Variants in PDZRN3 observed in about 807,000 individuals in gnomAD.
The protein encoded by PDZRN3 is PDZ domain containing ring finger 3, also known as E3 ubiquitin-protein ligase PDZRN3.
In PDZRN3, 38 loss-of-function variants were observed where a neutral mutation model predicts 85.7. The observed-to-expected ratio is 0.44, with a 90% confidence interval of 0.34 to 0.58. PDZRN3 has a LOEUF of 0.58. Among genes scored for constraint, PDZRN3 ranks in the 20% least tolerant of loss-of-function variants. PDZRN3 has a pLI of 0.01. For missense variants in PDZRN3, 1,629 were observed against 1,506.4 expected (o/e 1.08, Z -1.35); for synonymous variants, 759 against 638.0 (o/e 1.19, Z -2.86).
chr3:73,404,547 C>T, intron 3 of PDZRN3, 152 bp from the exon 4 acceptor site: 2 of 699,398 alleles, frequency 2.9e-6, no homozygotes, highest in Non-Finnish European at 4.7e-6. Flanking sequence ...TTTAGGTTTC[C>T]CGAAGAATGC....
At chr3:73,481,619 C>G (rs1484999032) in intron 3 of PDZRN3, among the ~76,000 whole-genome samples, 1 of 151,046 alleles carries the variant, frequency 6.6e-6, no homozygotes, top group Admixed American at 6.6e-5. Flanking sequence ...CGTAAGCCAC[C>G]ACACCTGGCC....
At chr3:73,435,028 C>A (rs7653141) in intron 3 of PDZRN3, among the ~76,000 whole-genome samples, 3 of 152,078 alleles carry the variant, frequency 2.0e-5, no homozygotes, top group Non-Finnish European at 2.9e-5. Flanking sequence ...CACCATTTTA[C>A]AAAGGTTTCA....
At chr3:73,569,146 C>A in intron 3 of PDZRN3, 1 of 1,287,178 alleles carries the variant, frequency 7.8e-7, no homozygotes, top group Non-Finnish European at 1.0e-6. Flanking sequence ...ATCACATTGC[C>A]TCACCTGGTT....
intron 3 of PDZRN3, among the ~76,000 whole-genome samples, chr3:73,563,872 G>A (rs1391743148): frequency 6.6e-6 from 1 of 152,240 alleles, no homozygotes; most frequent in Non-Finnish European, 1.5e-5. Context: ...ATAGCGAGAA[G>A]ATGCAGAGGT....
chr3:73,569,505 G>A, intron 3 of PDZRN3: 1 of 1,062,706 alleles, frequency 9.4e-7, no homozygotes, highest in Non-Finnish European at 1.1e-6. Flanking sequence ...CCTCTTCTCT[G>A]CAATGAGATC....
chr3:73,510,901 G>A (rs944457051), intron 3 of PDZRN3, among the ~76,000 whole-genome samples: 9 of 152,138 alleles, frequency 5.9e-5, no homozygotes, highest in African/African-American at 2.2e-4. Flanking sequence ...AATACCTTAT[G>A]ATAGGTACTA....
At chr3:73,479,240 A>G (rs1174100101) in intron 3 of PDZRN3, among the ~76,000 whole-genome samples, 1 of 152,194 alleles carries the variant, frequency 6.6e-6, no homozygotes, top group Non-Finnish European at 1.5e-5. Flanking sequence ...CTGAGCATCC[A>G]TGCTCTTTCA....
intron 3 of PDZRN3, among the ~76,000 whole-genome samples, chr3:73,416,962 G>T (rs959249270): frequency 7.4e-6 from 1 of 135,428 alleles, no homozygotes; most frequent in Non-Finnish European, 1.5e-5. Context: ...TACAATCTTG[G>T]CTCACTACAA....
At position 73,388,294 on chromosome 3, in the gene PDZRN3, C is replaced by T. The variant is rs76443916; in HGVS notation, c.1417-225G>A. ...TAAGGGAGCCTCCATGAGTATAGTTCATGAGGTGACTGTGATGTGTGGGGT... is the reference window on the plus strand; with the variant it reads ...TAAGGGAGCCTCCATGAGTATAGTTTATGAGGTGACTGTGATGTGTGGGGT... On this transcript the variant is annotated intron_variant, in intron 7 of 9. Transcript: ENST00000263666. 9.4e-3 allele frequency: 3,784 copies of T among 403,038 alleles called. 32 individuals carry two copies. Among genetic ancestry groups the T allele is most frequent in the Middle Eastern group, 0.015 (24 of 1,590 alleles). 25.0% of individuals were successfully genotyped at this position (403,038 alleles called of 1,614,324 possible).
Position 73,383,121 on chromosome 3 carries a change from G to A in PDZRN3, c.*244C>T. ...TATGTAAAAGGGTACAGGTAGAAAA[G>A]TACAATTGCTATTTGAAAAAAGCTC... On this transcript the variant is annotated 3_prime_UTR_variant, in exon 10 of 10. Transcript: ENST00000263666. 1 of 446,294 alleles carries A rather than the reference G, an allele frequency of 2.2e-6. No individual in the cohort carries two copies. Among genetic ancestry groups the A allele is most frequent in the Non-Finnish European group, 3.9e-6 (1 of 255,652 alleles). The allele number at this position is 446,294 out of a possible 1,614,324, so 27.6% of individuals were successfully genotyped here. A position where few individuals can be genotyped will look rare whatever the true frequency, so the allele number is the denominator to read the frequency against.
intron 3 of PDZRN3, among the ~76,000 whole-genome samples, chr3:73,422,395 C>T (rs1446159829): frequency 6.6e-6 from 1 of 152,138 alleles, no homozygotes; most frequent in African/African-American, 2.4e-5. Context: ...TTTTAAGGGG[C>T]TGTGTGAGAA....
At chr3:73,489,575 CTTTTT>C (rs371602592) in intron 3 of PDZRN3, among the ~76,000 whole-genome samples, 2 of 80,110 alleles carry the variant, frequency 2.5e-5, no homozygotes, top group East Asian at 4.0e-4. Flanking sequence ...AGTTTCTTTT[CTTTTT>C]TTTTTTTTTT....
intron 3 of PDZRN3, among the ~76,000 whole-genome samples, chr3:73,417,771 C>T (rs1702121874): frequency 6.6e-6 from 1 of 152,166 alleles, no homozygotes; most frequent in Admixed American, 6.5e-5. Flanking sequence ...TTTGCTGAGA[C>T]CCTTCCATGC....
At position 73,589,049 on chromosome 3, in the gene PDZRN3, A is replaced by AT. The variant is rs11341187; in HGVS notation, c.918+13304dup. Among the ~76,000 whole-genome samples the AT allele has an allele frequency of 1.9e-3, 261 of 140,660 alleles. 3 individuals are homozygous for AT. The highest frequency in any genetic ancestry group is 4.3e-3 in the African/African-American group (163 of 37,924). 92.3% of individuals were successfully genotyped at this position (140,660 alleles called of 152,430 possible). On this transcript the variant is annotated intron_variant, in intron 3 of 9. Coordinates refer to ENST00000263666, the MANE Select transcript of PDZRN3 (RefSeq NM_015009.3). ...AATGGCCATCCTCCCAGAAGATATG[A>AT]TTTTTTTTTTTTTTTTGAGACAGAG...
At chr3:73,602,261 G>C (rs191001337) in intron 3 of PDZRN3, 93 bp downstream of exon 3, 1 of 722,242 alleles carries the variant, frequency 1.4e-6, no homozygotes, top group Middle Eastern at 2.4e-4. Context: ...TACCACTTTA[G>C]GCCTCCCTCC....
chr3:73,453,962 A>G (rs1702926705), intron 3 of PDZRN3, among the ~76,000 whole-genome samples: 1 of 152,202 alleles, frequency 6.6e-6, no homozygotes, highest in Non-Finnish European at 1.5e-5. Context: ...CATGTTTTAA[A>G]TCAACAACCA....
At chr3:73,413,431 C>T (rs370732595) in intron 3 of PDZRN3, among the ~76,000 whole-genome samples, 6 of 152,132 alleles carry the variant, frequency 3.9e-5, no homozygotes, top group East Asian at 1.9e-4. Flanking sequence ...TGTTCTGTGT[C>T]GGGCAGTGCA....
intron 3 of PDZRN3, among the ~76,000 whole-genome samples, chr3:73,445,749 T>G (rs977685088): frequency 2.0e-5 from 3 of 152,214 alleles, no homozygotes; most frequent in African/African-American, 7.2e-5. Flanking sequence ...TCCTTAAAAC[T>G]GATATATATG....
chr3:73,398,839 TG>T (rs1219395693), intron 5 of PDZRN3, among the ~76,000 whole-genome samples: 1 of 152,222 alleles, frequency 6.6e-6, no homozygotes, highest in African/African-American at 2.4e-5. Context: ...TTTAAGGCAA[TG>T]GATGCTGACT....
Sources: gnomAD v4.1 joint callset for allele counts (sites outside exome capture counted in the v4.1 genomes callset) on GRCh38, gnomAD v4.1.1 for gene constraint, MANE v1.5 for transcripts, NCBI Gene and HGNC (gene_info 2026-07-23, HGNC 2026-07-21) for gene names.